The following PPA2 variants were observed in gnomAD, a reference collection of about 807,000 sequenced individuals.
PPA2 encodes the protein inorganic pyrophosphatase 2.
A neutral mutation model predicts 49.5 loss-of-function variants in PPA2; 48 were observed. The ratio of observed to expected loss-of-function variants is 0.97; its 90% CI spans 0.77 to 1.23. PPA2 has a LOEUF of 1.23. Ranked by LOEUF, PPA2 falls within the 50% of genes most tolerant of loss-of-function variation. The pLI, the probability that PPA2 is intolerant of heterozygous loss-of-function variation, is 0.00. For synonymous variants in PPA2, 131 were observed against 139.9 expected (o/e 0.94, Z 0.45); for missense variants, 429 against 410.1 (o/e 1.05, Z -0.40).
chr4:105,427,825 T>G (rs757399639), intron 6 of PPA2, among the ~76,000 whole-genome samples: 3 of 152,088 alleles, frequency 2.0e-5, no homozygotes, highest in Non-Finnish European at 2.9e-5. Context: ...CAGGCCAACA[T>G]TCAAATTCAG....
At chr4:105,463,276 G>A (rs950769077) in intron 1 of PPA2, among the ~76,000 whole-genome samples, 7 of 152,180 alleles carry the variant, frequency 4.6e-5, no homozygotes, top group Non-Finnish European at 8.8e-5. Flanking sequence ...GACAGTTTTA[G>A]CAAAGAGACT....
intron 5 of PPA2, among the ~76,000 whole-genome samples, chr4:105,445,513 T>G (rs1213851834): frequency 4.6e-5 from 7 of 152,122 alleles, no homozygotes; most frequent in Admixed American, 4.6e-4. Flanking sequence ...CTGTGAATGT[T>G]TATTCTACAC....
chr4:105,460,113 C>T (rs1723024251), intron 1 of PPA2, among the ~76,000 whole-genome samples: 1 of 152,204 alleles, frequency 6.6e-6, no homozygotes, highest in Non-Finnish European at 1.5e-5. Context: ...AAGACATACA[C>T]AGTAAGCCCT....
chr4:105,422,591 A>ATGGGC (rs755730740), intron 7 of PPA2, among the ~76,000 whole-genome samples: 51,590 of 152,066 alleles, frequency 0.34, 10,477 homozygotes, highest in East Asian at 0.67. Context: ...GCTTGGTATA[A>ATGGGC]TATTATAGAT....
At chr4:105,380,570 T>G (rs1419472983) in intron 10 of PPA2, among the ~76,000 whole-genome samples, 1 of 152,056 alleles carries the variant, frequency 6.6e-6, no homozygotes, top group Non-Finnish European at 1.5e-5. Context: ...TTTAGAAGAG[T>G]TAATATTGTT....
intron 7 of PPA2, among the ~76,000 whole-genome samples, chr4:105,411,270 TA>T (rs976783483): frequency 6.6e-6 from 1 of 151,474 alleles, no homozygotes; most frequent in Middle Eastern, 3.2e-3. Flanking sequence ...TAGTCTCTGA[TA>T]AAAAAAAGAC....
chr4:105,378,616 AG>A (rs1259151326), intron 10 of PPA2, among the ~76,000 whole-genome samples: 1 of 152,126 alleles, frequency 6.6e-6, no homozygotes, highest in African/African-American at 2.4e-5. Context: ...ATCATTTTAA[AG>A]AACAGATTGT....
At chr4:105,412,652 C>G (rs1010853509) in intron 7 of PPA2, among the ~76,000 whole-genome samples, 4 of 151,942 alleles carry the variant, frequency 2.6e-5, no homozygotes, top group Non-Finnish European at 2.9e-5. Context: ...AAAAAACAAC[C>G]CCATCAAAAA....
intron 2 of PPA2, chr4:105,456,188 G>A (rs1722867653): frequency 4.2e-6 from 2 of 472,814 alleles, no homozygotes; most frequent in East Asian, 5.6e-5. Flanking sequence ...TTCATAGAGT[G>A]GTTAAAGAGC....
chr4:105,403,220 A>G (rs1231414485), intron 7 of PPA2, among the ~76,000 whole-genome samples: 2 of 151,890 alleles, frequency 1.3e-5, no homozygotes, highest in South Asian at 2.1e-4. Context: ...TTCCAGTAGA[A>G]TTGCTTTGTT....
chr4:105,401,694 A>G (rs1722199739), intron 7 of PPA2, among the ~76,000 whole-genome samples: 1 of 152,222 alleles, frequency 6.6e-6, no homozygotes, highest in South Asian at 2.1e-4. Context: ...AGTTAGGATA[A>G]TCTGGAAAAG....
intron 1 of PPA2, among the ~76,000 whole-genome samples, chr4:105,460,078 G>C (rs1723022846): frequency 6.6e-6 from 1 of 152,198 alleles, no homozygotes; most frequent in African/African-American, 2.4e-5. Context: ...ATATGGAGCT[G>C]AAAGACAACT....
chr4:105,391,344 C>CAAAAAAAAAAA lies in PPA2; in HGVS notation c.870-4719_870-4709dup, dbSNP rs11373169. On this transcript the variant is annotated intron_variant, in intron 9 of 11. Coordinates refer to ENST00000341695, the MANE Select transcript of PPA2 (RefSeq NM_176869.3). Reference sequence around the variant, plus strand: ...ACATGTATCCTGGAACTTAAAGTAACAAAAAAAAAAAAAAAAAAAGGAAGT... The same window carrying CAAAAAAAAAAA: ...ACATGTATCCTGGAACTTAAAGTAACAAAAAAAAAAAAAAAAAAAAAAAAAAAAAAGGAAGT... Among the ~76,000 whole-genome samples, 8 of 102,520 alleles carry CAAAAAAAAAAA rather than the reference C, an allele frequency of 7.8e-5. 1 individual carries two copies. The highest frequency in any genetic ancestry group is 3.1e-4 in the East Asian group (1 of 3,272). 67.3% of individuals were successfully genotyped at this position (102,520 alleles called of 152,430 possible).
At chr4:105,376,003 A>G (rs1045171757) in intron 10 of PPA2, among the ~76,000 whole-genome samples, 2 of 152,196 alleles carry the variant, frequency 1.3e-5, no homozygotes, top group Non-Finnish European at 2.9e-5. Context: ...ATCCTTAGGA[A>G]AAATAAAACA....
At chr4:105,376,325 C>A (rs1223655767) in intron 10 of PPA2, among the ~76,000 whole-genome samples, 1 of 152,206 alleles carries the variant, frequency 6.6e-6, no homozygotes, top group Non-Finnish European at 1.5e-5. Flanking sequence ...AAATTTTATA[C>A]AACACTATGG....
intron 10 of PPA2, among the ~76,000 whole-genome samples, chr4:105,376,024 G>C (rs1733235107): frequency 6.6e-6 from 1 of 152,194 alleles, no homozygotes; most frequent in Non-Finnish European, 1.5e-5. Context: ...TGGCTTTGGT[G>C]TGATTTTAAG....
chr4:105,398,443 T>G (rs1358002843), intron 8 of PPA2: 1 of 152,174 alleles, frequency 6.6e-6, no homozygotes, highest in Non-Finnish European at 1.5e-5. Context: ...GGTATCCACT[T>G]AAAAGTTGGT....
chr4:105,436,903 C>T lies in PPA2; in HGVS notation c.528+1047G>A, dbSNP rs975918498. 3.3e-5 allele frequency among the ~76,000 whole-genome samples: 5 copies of T among 151,870 alleles called. No homozygotes were observed. The East Asian group carries it at 5.8e-4, about 18-fold the overall frequency. ...AATCTAGGAAAAACTCTCTGGATAT[C>T]GCCTAGGCAAAGAATTTATGATGAA... On this transcript the variant is annotated intron_variant, in intron 6 of 11. Transcript: ENST00000341695.
chr4:105,401,991 G>C (rs1189185413), intron 7 of PPA2, among the ~76,000 whole-genome samples: 1 of 152,114 alleles, frequency 6.6e-6, no homozygotes, highest in Non-Finnish European at 1.5e-5. Context: ...TTATAATTAT[G>C]AGATGTAATT....
Sources: allele counts gnomAD v4.1 joint callset (sites outside exome capture counted in the v4.1 genomes callset), GRCh38; gene constraint gnomAD v4.1.1; transcripts MANE v1.5; gene names NCBI Gene and HGNC (gene_info 2026-07-23, HGNC 2026-07-21).